The following RRP1B variants were observed in gnomAD, a reference collection of about 807,000 sequenced individuals.
The protein encoded by RRP1B is ribosomal RNA processing protein 1 homolog B.
Under a neutral mutation model 80.2 loss-of-function variants are expected in RRP1B, and 56 were observed. The observed-to-expected ratio is 0.70, with a 90% CI of 0.56 to 0.87. The LOEUF is 0.87. Ranked by LOEUF, RRP1B falls within the 40% of genes least tolerant of loss-of-function variation. The probability of loss-of-function intolerance (pLI) is 0.00; values close to 1 mark genes in which losing one functional copy is unlikely to be tolerated. For synonymous variants in RRP1B, 351 were observed against 357.6 expected (o/e 0.98, Z 0.21); for missense variants, 807 against 939.8 (o/e 0.86, Z 1.85).
In RRP1B at chr21:43,684,544, C is replaced by T. The variant is rs775859351; in HGVS notation, c.892-9C>T. ...TGCAGACTTATGTTTAGTTTCTCTT[C>T]CTGCCTAGTTTGACTATAAGGCTGT... On this transcript the variant is annotated splice_polypyrimidine_tract_variant and intron_variant, in intron 9 of 15. Transcript: ENST00000340648. The T allele has an allele frequency of 6.2e-7, 1 of 1,612,794 alleles. No individual in the cohort carries two copies. Among genetic ancestry groups the T allele is most frequent in the Non-Finnish European group, 8.5e-7 (1 of 1,178,894 alleles).
chr21:43,670,064 C>A, intron 2 of RRP1B, 98 bp downstream of exon 2: 1 of 747,878 alleles, frequency 1.3e-6, no homozygotes, highest in South Asian at 2.4e-5. Flanking sequence ...TACACTGACG[C>A]ACACTGACAG....
At position 43,687,918 on chromosome 21, in the gene RRP1B, C is replaced by A. The variant is rs984124930; in HGVS notation, c.1544C>A (p.Thr515Lys). Residue 515 changes from threonine to lysine, a missense_variant, in exon 13 of 16, where the codon ACA becomes AAA. Physicochemically the swap from Thr to Lys is moderately conservative, Grantham distance 78. Coordinates refer to ENST00000340648, the MANE Select transcript of RRP1B (RefSeq NM_015056.3). The stretch of plus-strand genomic sequence containing the variant: ...CCTCAGGGACCTAGAGGGTCCCCGA[C>A]AGGTGGAGCCCAACTCCTAAAAAGG... ...SHPQGPRGSPTGGAQLLKRKR... is the reference protein window; with the variant it reads ...SHPQGPRGSPKGGAQLLKRKR... The A allele has an allele frequency of 1.2e-6, 2 of 1,613,270 alleles. No homozygotes were observed. Among genetic ancestry groups the A allele is most frequent in the Non-Finnish European group, 1.7e-6 (2 of 1,180,048 alleles).
chr21:43,690,167 C>T lies in RRP1B; in HGVS notation c.1867-121C>T, dbSNP rs138132636. The T allele has an allele frequency of 2.0e-3, 2,260 of 1,134,516 alleles. 29 individuals carry two copies. In the African/African-American group the frequency reaches 0.029, roughly 14 times the overall value. The allele number at this position is 1,134,516 out of a possible 1,614,324, so 70.3% of individuals were successfully genotyped here. A position where few individuals can be genotyped will look rare whatever the true frequency, so the allele number is the denominator to read the frequency against. On this transcript the variant is annotated intron_variant, in intron 13 of 15. Transcript: ENST00000340648. ...TGTCTGCAAGTGCGGTGCGGAAGAC[C>T]GCGGGCCGTCGGGTGGGCTGGATCT...
At chr21:43,671,052 C>T (rs1006737917) in intron 2 of RRP1B, among the ~76,000 whole-genome samples, 1 of 152,182 alleles carries the variant, frequency 6.6e-6, no homozygotes, top group Non-Finnish European at 1.5e-5. Context: ...CATTTTCCCA[C>T]GAAGGAAAAC....
chr21:43,676,724 T>C lies in RRP1B; in HGVS notation c.615-9T>C. On this transcript the variant is annotated splice_polypyrimidine_tract_variant and intron_variant, in intron 7 of 15. Coordinates refer to ENST00000340648, the MANE Select transcript of RRP1B (RefSeq NM_015056.3). ...CATCACATGCTCTCCGCTGTGCTTC[T>C]ACCCTCAGCCACACCCTGGTACAGA... is the stretch of plus-strand genomic sequence containing the variant. 1.2e-6 allele frequency: 2 copies of C among 1,612,604 alleles called. No homozygotes were observed. The highest frequency in any genetic ancestry group is 1.7e-6 in the Non-Finnish European group (2 of 1,179,264).
Position 43,675,191 on chromosome 21 carries a change from G to A in RRP1B, c.549+28G>A, listed in dbSNP as rs534105087. 1.5e-5 allele frequency: 24 copies of A among 1,609,406 alleles called. No individual in the cohort carries two copies. In the Admixed American group the frequency reaches 1.5e-4, roughly 10 times the overall value. On this transcript the variant is annotated intron_variant, in intron 6 of 15. Coordinates refer to ENST00000340648, the MANE Select transcript of RRP1B (RefSeq NM_015056.3). Reference sequence around the variant, plus strand: ...AAGCAGCTGCCGACAGGCTGCCCACGGGGTGAGGGGGCCGCCAGTGTTCGC... The same window carrying A: ...AAGCAGCTGCCGACAGGCTGCCCACAGGGTGAGGGGGCCGCCAGTGTTCGC...
rs1378401028 is a variant in RRP1B at position 43,688,213 on chromosome 21, G to T, written c.1839G>T (p.Glu613Asp). The T allele has an allele frequency of 6.4e-7, 1 of 1,567,126 alleles. No individual in the cohort carries two copies. Among genetic ancestry groups the T allele is most frequent in the Non-Finnish European group, 8.7e-7 (1 of 1,154,638 alleles). ...TGGTGGAGCACAACGGGGTGCTGGA[G>T]TCCGAAGCTGGGCAACCCCAGGCTC... Reference protein sequence around the residue: ...SNLVEHNGVLESEAGQPQALG... With the variant: ...SNLVEHNGVLDSEAGQPQALG... Residue 613 changes from glutamate (E) to aspartate (D), a missense_variant, in exon 13 of 16, where the codon GAG (glutamate) becomes GAT (aspartate). Physicochemically the swap from Glu to Asp is conservative, Grantham distance 45. Coordinates refer to ENST00000340648, the MANE Select transcript of RRP1B (RefSeq NM_015056.3).
rs2147180093 is a variant in RRP1B at position 43,693,475 on chromosome 21, G to A, written c.*92G>A. 7.8e-7 allele frequency: 1 copy of A among 1,285,512 alleles called. No homozygotes were observed. The highest frequency in any genetic ancestry group is 1.0e-6 in the Non-Finnish European group (1 of 968,312). The allele number at this position is 1,285,512 out of a possible 1,614,324, so 79.6% of individuals were successfully genotyped here. On this transcript the variant is annotated 3_prime_UTR_variant, in exon 16 of 16. Coordinates refer to ENST00000340648, the MANE Select transcript of RRP1B (RefSeq NM_015056.3). This position sits in a 1 kb window ranked among gnomAD's most constrained non-coding sequence, Gnocchi z 4.1. ...AATGTGGGGCCTTTTTTATGATTTT[G>A]TAAGTTCCCATAAGTTGTGTGCACG...
At chr21:43,688,825 TG>T (rs2083074931) in intron 13 of RRP1B, among the ~76,000 whole-genome samples, 1 of 152,228 alleles carries the variant, frequency 6.6e-6, no homozygotes, top group Non-Finnish European at 1.5e-5. Flanking sequence ...GGTCTGGCTG[TG>T]TCACCCAGGC....
chr21:43,661,450 G>A (rs1435547766), intron 1 of RRP1B, among the ~76,000 whole-genome samples: 1 of 152,106 alleles, frequency 6.6e-6, no homozygotes, highest in Non-Finnish European at 1.5e-5. Flanking sequence ...CCGGACACAC[G>A]GGATTGTCCT....
intron 12 of RRP1B, 75 bp from the exon 13 acceptor site, chr21:43,687,441 A>G: frequency 7.1e-7 from 1 of 1,416,928 alleles, no homozygotes; most frequent in Admixed American, 2.5e-5. Context: ...CGCCAGTCAT[A>G]CTGTCTGAGA....
chr21:43,682,606 C>A (rs540436124), intron 8 of RRP1B, among the ~76,000 whole-genome samples: 18 of 152,306 alleles, frequency 1.2e-4, no homozygotes, highest in Admixed American at 1.2e-3. Flanking sequence ...ATGCTCCTAC[C>A]CCTGGTGGTC....
rs574805905 is a variant in RRP1B, at chr21:43,676,614, C to T, written c.615-119C>T. The T allele has an allele frequency of 9.9e-5, 93 of 936,250 alleles. 2 individuals are homozygous for T. In the African/African-American group the frequency reaches 1.3e-3, roughly 13 times the overall value. The allele number at this position is 936,250 out of a possible 1,614,324, so 58.0% of individuals were successfully genotyped here. On this transcript the variant is annotated intron_variant, in intron 7 of 15. Coordinates refer to ENST00000340648, the MANE Select transcript of RRP1B (RefSeq NM_015056.3). ...GCAGTTCCTCTCAGATGCTTGCTGGCCCGTGGGGGCCACTCCAGACCACAG... is the reference window on the plus strand; with the variant it reads ...GCAGTTCCTCTCAGATGCTTGCTGGTCCGTGGGGGCCACTCCAGACCACAG...
chr21:43,670,091 C>G (rs2082993777), intron 2 of RRP1B, 125 bp downstream of exon 2: 1 of 540,762 alleles, frequency 1.8e-6, no homozygotes, highest in Admixed American at 3.6e-5. Flanking sequence ...TTCAAGGAGT[C>G]ATTTTCGTAC....
Position 43,687,703 on chromosome 21 carries a change from G to A in RRP1B, c.1329G>A (p.Val443=). 6.2e-7 allele frequency: 1 copy of A among 1,611,040 alleles called. No individual in the cohort carries two copies. The highest frequency in any genetic ancestry group is 8.5e-7 in the Non-Finnish European group (1 of 1,178,428). ...ASGLKALKAR[V]AEPGAEATSS... The stretch of plus-strand genomic sequence containing the variant: ...GGCTGAAAGCCCTGAAGGCACGTGT[G>A]GCCGAGCCAGGTGCAGAGGCCACGT... The change falls in exon 13 of 16, where the codon GTG becomes GTA. Residue 443 remains valine (V), a synonymous_variant. Coordinates refer to ENST00000340648, the MANE Select transcript of RRP1B (RefSeq NM_015056.3).
At chr21:43,687,268 G>A (rs1464417299) in intron 12 of RRP1B, among the ~76,000 whole-genome samples, 1 of 152,218 alleles carries the variant, frequency 6.6e-6, no homozygotes, top group Non-Finnish European at 1.5e-5. Flanking sequence ...GTGGAAATGG[G>A]ACTATTTCAG....
chr21:43,685,733 T>TTTTTTTA (rs758617917), intron 10 of RRP1B, 37 bp from the exon 11 acceptor site: 12 of 1,380,696 alleles, frequency 8.7e-6, no homozygotes, highest in African/African-American at 1.5e-5. Context: ...ACATTTGTTA[T>TTTTTTTA]TTTTTTATTT....
At position 43,693,595 on chromosome 21, in the gene RRP1B, G is replaced by A. The variant is rs958379340; in HGVS notation, c.*212G>A. 7.9e-6 allele frequency: 4 copies of A among 506,824 alleles called. No individual in the cohort carries two copies. Among genetic ancestry groups the A allele is most frequent in the African/African-American group, 6.1e-5 (3 of 49,508 alleles). 31.4% of individuals were successfully genotyped at this position (506,824 alleles called of 1,614,324 possible). ...ATCTTTTGCTACAAACCATGTTTGCGTTTGAGCTCTCCAGGATTTTACATT... is the reference window on the plus strand; with the variant it reads ...ATCTTTTGCTACAAACCATGTTTGCATTTGAGCTCTCCAGGATTTTACATT... On this transcript the variant is annotated 3_prime_UTR_variant, in exon 16 of 16. Coordinates refer to ENST00000340648, the MANE Select transcript of RRP1B (RefSeq NM_015056.3). The surrounding 1 kb of genome is among the most constrained non-coding windows in gnomAD (Gnocchi z 4.1).
intron 14 of RRP1B, 78 bp downstream of exon 14, chr21:43,690,518 T>C: frequency 6.6e-7 from 1 of 1,513,984 alleles, no homozygotes; most frequent in Non-Finnish European, 9.0e-7. Context: ...GTGCTTCCCA[T>C]GCCGGGCCTG....
Sources: gnomAD v4.1 joint callset for allele counts (sites outside exome capture counted in the v4.1 genomes callset) on GRCh38, gnomAD v4.1.1 for gene constraint, Gnocchi (gnomAD v3.1) non-coding constraint, MANE v1.5 for transcripts, NCBI Gene and HGNC (gene_info 2026-07-23, HGNC 2026-07-21) for gene names.